RBFOX1: variants seen among roughly 807,000 people sequenced by gnomAD.
The protein encoded by RBFOX1 is RNA binding protein fox-1 homolog 1.
RBFOX1 carries 8 observed loss-of-function variants against 57.7 expected under a neutral mutation model. That is an observed-to-expected ratio of 0.14 (90% CI 0.08 to 0.25). The LOEUF (loss-of-function observed/expected upper bound fraction) is 0.25, where lower values mean the gene tolerates loss of function less well. RBFOX1 is among the 10% of genes least tolerant of loss of function. The probability of loss-of-function intolerance (pLI) is 1.00; values close to 1 mark genes in which losing one functional copy is unlikely to be tolerated. For synonymous variants in RBFOX1, 326 were observed against 222.4 expected, an observed-to-expected ratio of 1.47 and a Z score of -4.15; for missense variants, 611 against 548.5, an observed-to-expected ratio of 1.11 and a Z score of -1.14.
intron 4 of RBFOX1, among the ~76,000 whole-genome samples, chr16:7,304,991 C>A (rs2096142563): frequency 6.9e-6 from 1 of 145,394 alleles, no homozygotes. Context: ...TATATTCGGT[C>A]CGCATGGGAT....
At position 6,448,156 on chromosome 16, in the gene RBFOX1, C is replaced by CTTTCTTTTTT. The variant is rs2094523593; in HGVS notation, c.-64+131102_-64+131103insCTTTTTTTTT. Among the ~76,000 whole-genome samples the CTTTCTTTTTT allele has an allele frequency of 1.4e-4, 11 of 78,474 alleles. 1 individual carries two copies. The highest frequency in any genetic ancestry group is 5.6e-4 in the African/African-American group (10 of 17,848). The allele number at this position is 78,474 out of a possible 152,430, so 51.5% of individuals were successfully genotyped here. Reference sequence around the variant, plus strand: ...TTCTTTTTTTTCTTTTCTTTTCTTTCTTTTTTTTTTTTTTTTTTTTTGAGA... The same window carrying CTTTCTTTTTT: ...TTCTTTTTTTTCTTTTCTTTTCTTTCTTTCTTTTTTTTTTTTTTTTTTTTTTTTTTTGAGA... On this transcript the variant is annotated intron_variant, in intron 2 of 15. Coordinates refer to ENST00000550418, the MANE Select transcript of RBFOX1 (RefSeq NM_018723.4).
At chr16:6,525,672 T>C (rs1441146374) in intron 2 of RBFOX1, among the ~76,000 whole-genome samples, 1 of 151,990 alleles carries the variant, frequency 6.6e-6, no homozygotes, top group Non-Finnish European at 1.5e-5. Flanking sequence ...TCCTAGATGG[T>C]GTCTTGTTGC....
In RBFOX1 at chr16:6,807,926, A is replaced by G. The variant is rs1239419480; in HGVS notation, c.-16+153276A>G. Among the ~76,000 whole-genome samples the G allele has an allele frequency of 3.3e-5, 5 of 150,382 alleles. No homozygotes were observed. In the East Asian group the frequency reaches 9.8e-4, roughly 29 times the overall value. On this transcript the variant is annotated intron_variant, in intron 3 of 15. Transcript: ENST00000550418. ...TGTGTGTGTGTGTGTATATATATATAGGGTATAATATGCATATGTAATATA... is the reference window on the plus strand; with the variant it reads ...TGTGTGTGTGTGTGTATATATATATGGGGTATAATATGCATATGTAATATA...
intron 4 of RBFOX1, among the ~76,000 whole-genome samples, chr16:7,439,453 ATTC>A (rs2098748776): frequency 6.6e-6 from 1 of 152,050 alleles, no homozygotes; most frequent in African/African-American, 2.4e-5. Flanking sequence ...AATCATTTGT[ATTC>A]TTCTTGTCTG....
At chr16:7,649,718 G>C (rs893794009) in intron 11 of RBFOX1, among the ~76,000 whole-genome samples, 4 of 152,136 alleles carry the variant, frequency 2.6e-5, no homozygotes, top group Non-Finnish European at 5.9e-5. Flanking sequence ...CCTGATACCT[G>C]CTTGGTACCA....
At chr16:6,716,313 G>A (rs556184039) in intron 3 of RBFOX1, among the ~76,000 whole-genome samples, 2 of 152,278 alleles carry the variant, frequency 1.3e-5, no homozygotes, top group African/African-American at 2.4e-5. Context: ...GATCCCTTCT[G>A]TGGGGTATTT....
chr16:5,506,176 TC>T lies in RBFOX1; in HGVS notation c.258+38924del, dbSNP rs2043371190. Reference sequence around the variant, plus strand: ...ATTAATGTGCCTGTCTTCACAGTGTTCCGGGAACTTTCTGAAGGCAGGGTTC... The same window carrying T: ...ATTAATGTGCCTGTCTTCACAGTGTTCGGGAACTTTCTGAAGGCAGGGTTC... On this transcript the variant is annotated intron_variant, in intron 2 of 2. Coordinates refer to the RBFOX1 transcript ENST00000585867. 2.6e-5 allele frequency among the ~76,000 whole-genome samples: 4 copies of T among 152,282 alleles called. No homozygotes were observed. The South Asian group carries it at 6.2e-4, about 24-fold the overall frequency.
chr16:5,825,799 C>G (rs191550694), intron 3 of RBFOX1, among the ~76,000 whole-genome samples: 30 of 146,020 alleles, frequency 2.1e-4, no homozygotes, highest in African/African-American at 6.9e-4. Flanking sequence ...AATAATATTC[C>G]TTAATATGAA....
intron 4 of RBFOX1, among the ~76,000 whole-genome samples, chr16:7,342,630 G>A (rs921113279): frequency 2.0e-5 from 3 of 152,176 alleles, no homozygotes; most frequent in Non-Finnish European, 4.4e-5. Context: ...GATTCCTGGT[G>A]AGCAAGGACA....
rs1355901802 is a variant in RBFOX1, at chr16:7,597,351, T to G, written c.562-20T>G. 1.1e-5 allele frequency: 18 copies of G among 1,589,914 alleles called. No homozygotes were observed. Among genetic ancestry groups the G allele is most frequent in the Non-Finnish European group, 1.5e-5 (18 of 1,163,542 alleles). On this transcript the variant is annotated intron_variant, in intron 8 of 15. Transcript: ENST00000550418. ...GCTGGCCCTAGAATATGTGCTTACTTGAGTTTTCTATGTACATAGGTAAAT... is the reference window on the plus strand; with the variant it reads ...GCTGGCCCTAGAATATGTGCTTACTGGAGTTTTCTATGTACATAGGTAAAT...
chr16:5,970,892 G>C (rs879675743), intron 4 of RBFOX1, among the ~76,000 whole-genome samples: 1 of 152,184 alleles, frequency 6.6e-6, no homozygotes, highest in African/African-American at 2.4e-5. Flanking sequence ...TTCAAGTAAA[G>C]TGACTGTTGT....
At position 7,010,995 on chromosome 16, in the gene RBFOX1, T is replaced by C. The variant is rs188518643; in HGVS notation, c.-15-41062T>C. Among the ~76,000 whole-genome samples the C allele has an allele frequency of 2.3e-3, 346 of 152,312 alleles. 2 individuals carry two copies. The highest frequency in any genetic ancestry group is 7.9e-3 in the African/African-American group (330 of 41,582). On this transcript the variant is annotated intron_variant, in intron 3 of 15. Transcript: ENST00000550418. ...CTACTTAGGCTGTTCTTTCCTGTTA[T>C]ATTTTGTTTGTTGTTTGTTTGTTTT...
chr16:5,339,508 A>G (rs1234469549), intron 1 of RBFOX1, among the ~76,000 whole-genome samples: 10 of 33,656 alleles, frequency 3.0e-4, no homozygotes, highest in East Asian at 9.6e-4. Context: ...TTTGAGATGG[A>G]GTCTTGCTGG....
chr16:5,425,269 C>G lies in RBFOX1; in HGVS notation c.220-41947C>G, dbSNP rs142450136. Among the ~76,000 whole-genome samples the G allele has an allele frequency of 5.5e-3, 842 of 152,056 alleles. 2 individuals carry two copies. Among genetic ancestry groups the G allele is most frequent in the South Asian group, 0.021 (100 of 4,820 alleles). ...TATAGACGTGCACCACCACGTCCAG[C>G]TAATTTTTGTATTTTTAGTAGAGAT... On this transcript the variant is annotated intron_variant, in intron 1 of 2. Transcript: ENST00000585867.
At chr16:6,592,145 T>G (rs1173863803) in intron 2 of RBFOX1, among the ~76,000 whole-genome samples, 1 of 152,196 alleles carries the variant, frequency 6.6e-6, no homozygotes, top group Non-Finnish European at 1.5e-5. Context: ...CATGTATCTC[T>G]CCAACTTCTT....
chr16:6,559,502 A>G (rs886087304), intron 2 of RBFOX1, among the ~76,000 whole-genome samples: 1 of 152,208 alleles, frequency 6.6e-6, no homozygotes, highest in Admixed American at 6.5e-5. Flanking sequence ...TTGAGAAAAC[A>G]TGAATTTCAT....
At chr16:5,900,720 C>G (rs771639227) in intron 4 of RBFOX1, among the ~76,000 whole-genome samples, 4 of 152,106 alleles carry the variant, frequency 2.6e-5, no homozygotes, top group Non-Finnish European at 4.4e-5. Flanking sequence ...GGGGACCTGG[C>G]GGCCAGCTTC....
rs2045917734 is a variant in RBFOX1, at chr16:5,562,337, C to T, written c.259-36565C>T. Reference sequence around the variant, plus strand: ...AGCTGCCCGAGAAAGCTGCCTGTTTCCTAGATATTGGAACTGCTGGGGTCA... The same window carrying T: ...AGCTGCCCGAGAAAGCTGCCTGTTTTCTAGATATTGGAACTGCTGGGGTCA... On this transcript the variant is annotated intron_variant, in intron 2 of 2. Coordinates refer to the RBFOX1 transcript ENST00000585867. 1.3e-5 allele frequency among the ~76,000 whole-genome samples: 2 copies of T among 152,142 alleles called. 1 individual carries two copies. The highest frequency in any genetic ancestry group is 4.1e-4 in the South Asian group (2 of 4,826).
chr16:7,184,869 C>T (rs965975252), intron 4 of RBFOX1, among the ~76,000 whole-genome samples: 3 of 152,130 alleles, frequency 2.0e-5, no homozygotes, highest in South Asian at 2.1e-4. Flanking sequence ...GTTACTAACA[C>T]TATTAATAAT....
Sources: allele counts gnomAD v4.1 joint callset (sites outside exome capture counted in the v4.1 genomes callset), GRCh38; gene constraint gnomAD v4.1.1; transcripts MANE v1.5; gene names NCBI Gene and HGNC (gene_info 2026-07-23, HGNC 2026-07-21).